The following EGFR variants were observed in gnomAD, a reference collection of about 807,000 sequenced individuals.
The protein encoded by EGFR is epidermal growth factor receptor.
A neutral mutation model predicts 143.0 loss-of-function variants in EGFR; 58 were observed. The ratio of observed to expected loss-of-function variants is 0.41; its 90% confidence interval spans 0.33 to 0.50. The LOEUF is 0.50. EGFR is among the 20% of genes least tolerant of loss of function. EGFR has a pLI of 0.39. For missense variants in EGFR, 1,307 were observed against 1,579.0 expected, an observed-to-expected ratio of 0.83 and a Z score of 2.92; for synonymous variants, 613 against 594.4, an observed-to-expected ratio of 1.03 and a Z score of -0.45.
At chr7:55,055,006 C>T (rs1040969952) in intron 1 of EGFR, among the ~76,000 whole-genome samples, 2 of 152,196 alleles carry the variant, frequency 1.3e-5, no homozygotes, top group East Asian at 1.9e-4. Flanking sequence ...CTGTTCACAG[C>T]GGCACCTGAG....
At position 55,198,836 on chromosome 7, in the gene EGFR, A is replaced by T. The variant is rs2128968878; in HGVS notation, c.2821A>T (p.Ile941Phe). Reference protein sequence around the residue: ...ERLPQPPICTIDVYMIMVKCW... With the variant: ...ERLPQPPICTFDVYMIMVKCW... ...CCTCCCTCAGCCACCCATATGTACC[A>T]TCGATGTCTACATGATCATGGTCAA... is the stretch of plus-strand genomic sequence containing the variant. The change falls in exon 23 of 28, where the codon ATC becomes TTC. Residue 941 changes from isoleucine to phenylalanine, a missense_variant. Transcript: ENST00000275493. 6.2e-7 allele frequency: 1 copy of T among 1,614,186 alleles called. No homozygotes were observed.
At chr7:55,169,359 A>T (rs1786233143) in intron 15 of EGFR, among the ~76,000 whole-genome samples, 1 of 152,136 alleles carries the variant, frequency 6.6e-6, no homozygotes, top group African/African-American at 2.4e-5. Context: ...TGGCCTCCCA[A>T]AGTGCTGAGA....
At chr7:55,166,691 G>A (rs200348286) in intron 15 of EGFR, among the ~76,000 whole-genome samples, 8,902 of 120,048 alleles carry the variant, frequency 0.074, 463 homozygotes, top group East Asian at 0.15. Context: ...AATGGTGGTG[G>A]TGATGGTGTT....
chr7:55,054,087 CA>C (rs1255181049), intron 1 of EGFR, among the ~76,000 whole-genome samples: 4 of 151,874 alleles, frequency 2.6e-5, no homozygotes, highest in African/African-American at 9.7e-5. Context: ...TGTCAACCCT[CA>C]AAGAGGAAAG....
intron 20 of EGFR, among the ~76,000 whole-genome samples, chr7:55,190,036 G>C (rs1316632493): frequency 1.3e-5 from 2 of 152,200 alleles, no homozygotes; most frequent in Non-Finnish European, 2.9e-5. Flanking sequence ...AGCGGGGGCA[G>C]GGAGCTTGCC....
At chr7:55,174,853 G>T in intron 19 of EGFR, 33 bp downstream of exon 19, 1 of 1,572,130 alleles carries the variant, frequency 6.4e-7, no homozygotes, top group South Asian at 1.1e-5. Flanking sequence ...GGGGGTCCAT[G>T]GCTCTGAACC....
chr7:55,163,954 C>G, intron 14 of EGFR, 131 bp downstream of exon 14: 1 of 953,004 alleles, frequency 1.0e-6, no homozygotes, highest in Non-Finnish European at 1.7e-6. Context: ...GAGGAGACGG[C>G]AGGCGCTGAC....
rs778656021 is a variant in EGFR at position 55,205,525 on chromosome 7, G to A, written c.3541G>A (p.Ala1181Thr). The A allele has an allele frequency of 6.2e-7, 1 of 1,614,236 alleles. No homozygotes were observed. The highest frequency in any genetic ancestry group is 1.1e-5 in the South Asian group (1 of 91,090). Residue 1181 changes from alanine to threonine, a missense_variant, in exon 28 of 28, where the codon GCC (alanine) becomes ACC (threonine). This residue lies in a region of EGFR where 313 missense variants were observed against 312.3 expected (regional missense o/e 1.00). Transcript: ENST00000275493. Reference sequence around the variant, plus strand: ...CCAGCAGGACTTCTTTCCCAAGGAAGCCAAGCCAAATGGCATCTTTAAGGG... The same window carrying A: ...CCAGCAGGACTTCTTTCCCAAGGAAACCAAGCCAAATGGCATCTTTAAGGG... ...DYQQDFFPKE[A>T]KPNGIFKGST...
At chr7:55,112,975 A>G (rs1792605287) in intron 1 of EGFR, among the ~76,000 whole-genome samples, 1 of 152,184 alleles carries the variant, frequency 6.6e-6, no homozygotes, top group South Asian at 2.1e-4. Context: ...AGGAAGATTA[A>G]ATTATCCCCT....
At chr7:55,170,568 TCCC>T in intron 15 of EGFR, 10 of 1,611,740 alleles carry the variant, frequency 6.2e-6, no homozygotes, top group Non-Finnish European at 8.5e-6. Context: ...ACGTGTCTGT[TCCC>T]CCCGCTTTTC....
chr7:55,045,182 G>C (rs1788118215), intron 1 of EGFR, among the ~76,000 whole-genome samples: 1 of 152,118 alleles, frequency 6.6e-6, no homozygotes, highest in South Asian at 2.1e-4. Flanking sequence ...TTTTAAAATA[G>C]TGAAATCAAC....
At chr7:55,117,432 T>C (rs1792929217) in intron 1 of EGFR, among the ~76,000 whole-genome samples, 1 of 152,120 alleles carries the variant, frequency 6.6e-6, no homozygotes, top group Non-Finnish European at 1.5e-5. Context: ...ATTAGCATGT[T>C]ATAGGTAAGC....
intron 4 of EGFR, among the ~76,000 whole-genome samples, chr7:55,149,199 G>A (rs983765039): frequency 2.6e-5 from 4 of 152,218 alleles, no homozygotes; most frequent in Middle Eastern, 3.4e-3. Flanking sequence ...TGGCTACCAG[G>A]AAAATATTGT....
chr7:55,084,535 T>G (rs1790648286), intron 1 of EGFR, among the ~76,000 whole-genome samples: 1 of 152,218 alleles, frequency 6.6e-6, no homozygotes, highest in South Asian at 2.1e-4. Flanking sequence ...AACCTAACCA[T>G]GGGACTGATA....
rs1009906681 is a variant in EGFR, at chr7:55,206,850, A to G, written c.*1233A>G. 3.4e-5 allele frequency: 8 copies of G among 233,164 alleles called. No homozygotes were observed. Among genetic ancestry groups the G allele is most frequent in the East Asian group, 2.4e-4 (4 of 16,590 alleles). The allele number at this position is 233,164 out of a possible 1,614,324, so 14.4% of individuals were successfully genotyped here. On this transcript the variant is annotated 3_prime_UTR_variant, in exon 28 of 28. Transcript: ENST00000275493. Reference sequence around the variant, plus strand: ...TCAAGCACTTACAGCTCTGGCCACAACAGGGCATTTTACAGGTGCGAATGA... The same window carrying G: ...TCAAGCACTTACAGCTCTGGCCACAGCAGGGCATTTTACAGGTGCGAATGA...
At chr7:55,172,821 A>C (rs1268018589) in intron 16 of EGFR, 162 bp from the exon 17 acceptor site, 1 of 1,550,208 alleles carries the variant, frequency 6.5e-7, no homozygotes, top group East Asian at 2.4e-5. Context: ...ACGTTGCCTT[A>C]GAAGCCTGTT....
chr7:55,129,979 G>A (rs1793740030), intron 1 of EGFR, among the ~76,000 whole-genome samples: 2 of 152,364 alleles, frequency 1.3e-5, no homozygotes, highest in South Asian at 2.1e-4. Context: ...ATTGGAGCAT[G>A]ACTATATGTA....
At chr7:55,166,167 A>C (rs1473567046) in intron 15 of EGFR, 10 of 464,624 alleles carry the variant, frequency 2.2e-5, no homozygotes, top group East Asian at 8.0e-5. Context: ...ACAAAAACAA[A>C]AAAAAAAGCT....
Position 55,165,515 on chromosome 7 carries a change from G to A in EGFR, c.1880+78G>A, listed in dbSNP as rs560182652. ...ATCAAAAATGTCTCCCAAGTTTTCCGGCAACAAATTGCCGAGGTTTGTATT... is the reference window on the plus strand; with the variant it reads ...ATCAAAAATGTCTCCCAAGTTTTCCAGCAACAAATTGCCGAGGTTTGTATT... On this transcript the variant is annotated intron_variant, in intron 15 of 27. Coordinates refer to ENST00000275493, the MANE Select transcript of EGFR (RefSeq NM_005228.5). The A allele has an allele frequency of 5.1e-4, 780 of 1,539,530 alleles. 1 individual carries two copies. The highest frequency in any genetic ancestry group is 6.6e-4 in the Non-Finnish European group (753 of 1,141,042).
Sources: allele counts gnomAD v4.1 joint callset (sites outside exome capture counted in the v4.1 genomes callset), GRCh38; gene constraint gnomAD v4.1.1; regional missense constraint gnomAD v4.1.1; transcripts MANE v1.5; gene names NCBI Gene and HGNC (gene_info 2026-07-23, HGNC 2026-07-21).